The following WNK3 variants were observed in gnomAD, a reference collection of about 807,000 sequenced individuals.
The protein encoded by WNK3 is WNK lysine deficient protein kinase 3.
WNK3 carries 18 observed loss-of-function variants against 116.7 expected under a neutral mutation model. That is an observed-to-expected ratio of 0.15 (90% CI 0.11 to 0.23). The LOEUF is 0.23. WNK3 is among the 10% of genes least tolerant of loss of function. WNK3 has a pLI of 1.00. For synonymous variants in WNK3, 404 were observed against 469.4 expected, an observed-to-expected ratio of 0.86 and a Z score of 1.80; for missense variants, 993 against 1,323.8, an observed-to-expected ratio of 0.75 and a Z score of 3.88.
At chrX:54,194,192 A>G (rs1408096870) in exon 24 of WNK3, 1 of 112,308 alleles carries the variant, frequency 8.9e-6, no homozygotes, top group Non-Finnish European at 1.9e-5. Context: ...CATCACTCAG[A>G]AAAGACAGCA....
chrX:54,279,315 T>A (rs2068487890), intron 10 of WNK3, among the ~76,000 whole-genome samples: 1 of 111,210 alleles, frequency 9.0e-6, no homozygotes, highest in Admixed American at 9.7e-5. Context: ...ACTATAACAT[T>A]GCATTGTGCA....
At chrX:54,226,907 G>A (rs2067850176) in intron 22 of WNK3, among the ~76,000 whole-genome samples, 1 of 111,094 alleles carries the variant, frequency 9.0e-6, no homozygotes, top group African/African-American at 3.3e-5. Context: ...CCTTAAGTTA[G>A]GCAATAGATT....
At chrX:54,250,047 G>A in exon 16 of WNK3, 3 of 1,204,493 alleles carry the variant, frequency 2.5e-6, no homozygotes, top group Non-Finnish European at 2.2e-6. Flanking sequence ...AAGAGAAGGA[G>A]GAGACTGAGT....
chrX:54,337,557 C>CAAATAAATAAAT (rs56172743), intron 1 of WNK3, among the ~76,000 whole-genome samples: 26,108 of 73,602 alleles, frequency 0.35, 4,411 homozygotes, highest in East Asian at 0.48. Flanking sequence ...AGACTAGTCT[C>CAAATAAATAAAT]AAATAAATAA....
At chrX:54,218,373 A>G (rs1372489332) in intron 22 of WNK3, among the ~76,000 whole-genome samples, 2 of 110,608 alleles carry the variant, frequency 1.8e-5, no homozygotes, top group Non-Finnish European at 3.8e-5. Context: ...TGTGACAACA[A>G]TATCTCACCA....
chrX:54,252,539 G>A (rs782525238), intron 13 of WNK3, among the ~76,000 whole-genome samples: 18 of 109,826 alleles, frequency 1.6e-4, no homozygotes, highest in South Asian at 4.0e-4. Context: ...GTGTGGTGGC[G>A]TGCGCCTGTA....
chrX:54,345,259 C>T, intron 1 of WNK3, among the ~76,000 whole-genome samples: 1 of 101,782 alleles, frequency 9.8e-6, no homozygotes, highest in Non-Finnish European at 2.0e-5. Flanking sequence ...ACAACAACAA[C>T]AACAACAACA....
At chrX:54,202,193 T>C in exon 23 of WNK3, 1 of 1,187,552 alleles carries the variant, frequency 8.4e-7, no homozygotes, top group Non-Finnish European at 1.1e-6. Flanking sequence ...ACACAGTGGA[T>C]CTATAAGACA....
intron 22 of WNK3, among the ~76,000 whole-genome samples, chrX:54,222,915 A>AATAATATATATATATAT (rs1491230973): frequency 1.4e-4 from 11 of 80,982 alleles, no homozygotes; most frequent in African/African-American, 6.4e-4. Context: ...TAATAATAAT[A>AATAATATATATATATAT]ATATATATAT....
intron 7 of WNK3, among the ~76,000 whole-genome samples, chrX:54,295,575 G>A (rs1356150642): frequency 1.8e-5 from 2 of 112,294 alleles, no homozygotes; most frequent in African/African-American, 3.2e-5. Context: ...CTATCAGGTG[G>A]TGTGAAATGG....
At chrX:54,325,217 G>A (rs1223046578) in intron 2 of WNK3, among the ~76,000 whole-genome samples, 6 of 110,952 alleles carry the variant, frequency 5.4e-5, no homozygotes, top group African/African-American at 2.0e-4. Flanking sequence ...ACAGGCTATA[G>A]CTCGAGTTGT....
At chrX:54,236,884 G>C (rs2067966837) in intron 20 of WNK3, 54 bp downstream of exon 20, 3 of 1,134,121 alleles carry the variant, frequency 2.6e-6, no homozygotes, top group East Asian at 3.0e-5. Context: ...CCAATACTAA[G>C]TTCTATAAAA....
intron 15 of WNK3, among the ~76,000 whole-genome samples, chrX:54,250,914 G>A (rs942369064): frequency 9.0e-6 from 1 of 110,968 alleles, no homozygotes; most frequent in Non-Finnish European, 1.9e-5. Flanking sequence ...CCTAGTTTTC[G>A]CTTCTGGAAG....
At chrX:54,248,860 A>C in exon 17 of WNK3, 1 of 1,211,728 alleles carries the variant, frequency 8.3e-7, no homozygotes, top group Non-Finnish European at 1.1e-6. Flanking sequence ...ACAGTGACTG[A>C]TGGCTATGAC....
chrX:54,198,271 G>T, exon 24 of WNK3: 1 of 1,005,768 alleles, frequency 9.9e-7, no homozygotes, highest in Non-Finnish European at 1.3e-6. Flanking sequence ...TATCTTGGGT[G>T]TCCTGAAAAT....
In WNK3 at chrX:54,314,881, G is replaced by C. The variant is rs189673860; in HGVS notation, c.538-3590C>G. On this transcript the variant is annotated intron_variant, in intron 2 of 23. Transcript: ENST00000354646. Reference sequence around the variant, plus strand: ...AAACATATTTATCTGTTTTAAGAAAGTAACTCATCTACTCGTTCTCCCTAC... The same window carrying C: ...AAACATATTTATCTGTTTTAAGAAACTAACTCATCTACTCGTTCTCCCTAC... Among the ~76,000 whole-genome samples, 115 of 111,212 alleles carry C rather than the reference G, an allele frequency of 1.0e-3. 1 individual carries two copies. The highest frequency in any genetic ancestry group is 2.0e-3 in the Non-Finnish European group (107 of 53,069).
chrX:54,212,899 T>C (rs2067631803), intron 22 of WNK3, among the ~76,000 whole-genome samples: 1 of 111,617 alleles, frequency 9.0e-6, no homozygotes, highest in South Asian at 3.7e-4. Context: ...TGTGTGTATA[T>C]ATATGTTAGT....
intron 22 of WNK3, among the ~76,000 whole-genome samples, chrX:54,216,333 G>T (rs1289629834): frequency 9.4e-6 from 1 of 106,887 alleles, no homozygotes; most frequent in Non-Finnish European, 1.9e-5. Context: ...ACCCTGGAAA[G>T]ATTTCTATTT....
intron 1 of WNK3, among the ~76,000 whole-genome samples, chrX:54,350,391 C>A (rs1279921403): frequency 1.9e-5 from 2 of 103,902 alleles, no homozygotes; most frequent in African/African-American, 7.1e-5. Flanking sequence ...GCCTGGGTGA[C>A]AGAATGAGAC....
Sources: gnomAD v4.1 joint callset for allele counts (sites outside exome capture counted in the v4.1 genomes callset) on GRCh38, gnomAD v4.1.1 for gene constraint, MANE v1.5 for transcripts, NCBI Gene and HGNC (gene_info 2026-07-23, HGNC 2026-07-21) for gene names.